SUN3: variants seen among roughly 807,000 people sequenced by gnomAD.
SUN3 encodes Sad1 and UNC84 domain containing 3.
A neutral mutation model predicts 48.2 loss-of-function variants in SUN3; 36 were observed. The ratio of observed to expected loss-of-function variants is 0.75; its 90% CI spans 0.57 to 0.99. The LOEUF (loss-of-function observed/expected upper bound fraction) is 0.99, where lower values mean the gene tolerates loss of function less well. Ranked by LOEUF, SUN3 falls within the 50% of genes least tolerant of loss-of-function variation. SUN3 has a pLI of 0.00. For synonymous variants in SUN3, 148 were observed against 147.9 expected (o/e 1.00, Z 0.00); for missense variants, 419 against 433.1 (o/e 0.97, Z 0.29).
chr7:48,012,331 A>T (rs1030919266), intron 3 of SUN3, among the ~76,000 whole-genome samples: 3 of 152,062 alleles, frequency 2.0e-5, no homozygotes, highest in Non-Finnish European at 4.4e-5. Flanking sequence ...GGCGTCAGGT[A>T]GAGGCTGGCA....
chr7:48,006,249 G>C (rs887266188), intron 5 of SUN3, among the ~76,000 whole-genome samples, 196 bp from the exon 6 acceptor site: 7 of 152,146 alleles, frequency 4.6e-5, no homozygotes, highest in Admixed American at 3.9e-4. Context: ...TCATTTTCAG[G>C]AATACGGTGT....
chr7:48,001,477 C>A (rs182046542), intron 6 of SUN3, among the ~76,000 whole-genome samples: 63 of 150,926 alleles, frequency 4.2e-4, no homozygotes, highest in African/African-American at 1.4e-3. Flanking sequence ...TTTCTTTATC[C>A]AGTCTATCAT....
chr7:48,021,989 T>G (rs1173720776), intron 2 of SUN3, among the ~76,000 whole-genome samples: 1 of 152,168 alleles, frequency 6.6e-6, no homozygotes, highest in African/African-American at 2.4e-5. Flanking sequence ...TGCAGCATTG[T>G]TCACAATAGC....
chr7:47,989,516 A>C (rs1308532869), intron 8 of SUN3, among the ~76,000 whole-genome samples: 1 of 152,236 alleles, frequency 6.6e-6, no homozygotes, highest in African/African-American at 2.4e-5. Context: ...TATTTTGTGA[A>C]TCTGAAGTTT....
rs1297137451 is a variant in SUN3 at position 48,009,032 on chromosome 7, C to CAA, written c.329+2_329+3insTT. 6.2e-7 allele frequency: 1 copy of CAA among 1,611,284 alleles called. No individual in the cohort carries two copies. The highest frequency in any genetic ancestry group is 8.5e-7 in the Non-Finnish European group (1 of 1,178,978). The stretch of plus-strand genomic sequence containing the variant: ...GAGGCATATAGCAAAAGATCGCACT[C>CAA]ACTTTAAAAGTTCCAGTTGCTCTTT... On this transcript the variant is annotated splice_region_variant and intron_variant, in intron 4 of 9. Coordinates refer to ENST00000297325, the MANE Select transcript of SUN3 (RefSeq NM_001030019.2).
the SUN3 span, among the ~76,000 whole-genome samples, chr7:48,034,807 C>G: frequency 6.6e-6 from 1 of 152,034 alleles, no homozygotes; most frequent in Non-Finnish European, 1.5e-5. Context: ...GTTTGGAGTT[C>G]TAAACGCGAT....
chr7:48,023,353 T>C (rs1790052582), intron 2 of SUN3, among the ~76,000 whole-genome samples: 1 of 151,984 alleles, frequency 6.6e-6, no homozygotes, highest in African/African-American at 2.4e-5. Flanking sequence ...TGGTATAAAT[T>C]TAAACTATAT....
At chr7:48,001,191 T>A (rs7791823) in intron 6 of SUN3, among the ~76,000 whole-genome samples, 66,839 of 151,910 alleles carry the variant, frequency 0.44, 15,029 homozygotes, top group Middle Eastern at 0.55. Context: ...ACCCAGGTGT[T>A]AAGCCTAGTA....
chr7:48,024,229 A>G (rs1790075245), intron 2 of SUN3, among the ~76,000 whole-genome samples: 1 of 152,204 alleles, frequency 6.6e-6, no homozygotes. Context: ...AGAATGAAAG[A>G]CAACCTAGAA....
intron 1 of SUN3, 114 bp from the exon 2 acceptor site, chr7:48,026,052 A>G (rs1790125572): frequency 1.4e-6 from 1 of 694,572 alleles, no homozygotes; most frequent in East Asian, 2.8e-5. Context: ...TTCTTGCTTA[A>G]TCTAGGTTGA....
Position 47,996,165 on chromosome 7 carries a change from T to C in SUN3, c.578-19A>G, listed in dbSNP as rs763010375. Reference sequence around the variant, plus strand: ...GAGGCTCCTAAAATTATAAAGTAAGTTGTAAAATAAAGAAACAACATACAC... The same window carrying C: ...GAGGCTCCTAAAATTATAAAGTAAGCTGTAAAATAAAGAAACAACATACAC... On this transcript the variant is annotated intron_variant, in intron 6 of 9. Transcript: ENST00000297325. 1 of 1,374,054 alleles carries C rather than the reference T, an allele frequency of 7.3e-7. No homozygotes were observed. Among genetic ancestry groups the C allele is most frequent in the African/African-American group, 1.5e-5 (1 of 67,636 alleles). The allele number at this position is 1,374,054 out of a possible 1,614,324, so 85.1% of individuals were successfully genotyped here.
chr7:48,007,300 A>G lies in SUN3; in HGVS notation c.357T>C (p.Asn119=). Residue 119 remains asparagine (N), a synonymous_variant, in exon 5 of 10, where the codon AAT becomes AAC. Coordinates refer to ENST00000297325, the MANE Select transcript of SUN3 (RefSeq NM_001030019.2). ...LKKESQNLEN[N]FRQILFLIEQ... Reference sequence around the variant, plus strand: ...CGATCAAAAATAGAATTTGACGAAAATTGTTTTCCAGATTCTGGCTTTCCT... The same window carrying G: ...CGATCAAAAATAGAATTTGACGAAAGTTGTTTTCCAGATTCTGGCTTTCCT... The G allele has an allele frequency of 1.2e-6, 2 of 1,614,020 alleles. No individual in the cohort carries two copies. The highest frequency in any genetic ancestry group is 1.7e-6 in the Non-Finnish European group (2 of 1,179,946).
chr7:47,999,661 C>T (rs1185195480), intron 6 of SUN3, among the ~76,000 whole-genome samples: 2 of 152,232 alleles, frequency 1.3e-5, no homozygotes, highest in South Asian at 2.1e-4. Context: ...CCTCAGCCTC[C>T]TGAGTAGCAG....
chr7:48,001,523 T>A (rs997739599), intron 6 of SUN3, among the ~76,000 whole-genome samples: 7 of 91,444 alleles, frequency 7.7e-5, no homozygotes, highest in African/African-American at 1.1e-4. Flanking sequence ...GTCTTTTCTG[T>A]TTTTTTTGTT....
the SUN3 span, chr7:48,035,515 T>C: frequency 4.3e-6 from 3 of 697,214 alleles, no homozygotes; most frequent in South Asian, 3.0e-5. The surrounding 1 kb of genome is among the most constrained non-coding windows in gnomAD (Gnocchi z 4.0). Context: ...GACGCCGATG[T>C]TGTGGTTCCG....
At chr7:47,989,068 G>C (rs893048375) in intron 8 of SUN3, 188 bp from the exon 9 acceptor site, 1 of 414,810 alleles carries the variant, frequency 2.4e-6, no homozygotes, top group African/African-American at 2.0e-5. Context: ...GCTGATCACG[G>C]GACTGACTAA....
At chr7:47,990,577 C>T (rs1158381755) in intron 8 of SUN3, among the ~76,000 whole-genome samples, 1 of 152,098 alleles carries the variant, frequency 6.6e-6, no homozygotes, top group Non-Finnish European at 1.5e-5. Context: ...TTTCTTTTCT[C>T]AAGTCTCTCG....
At chr7:48,029,615 C>T (rs1276496362), upstream of SUN3, among the ~76,000 whole-genome samples, 1 of 152,098 alleles carries the variant, frequency 6.6e-6, no homozygotes, top group Non-Finnish European at 1.5e-5. Context: ...ATTCATTTAC[C>T]CATCCTTCTG....
At chr7:48,005,871 T>A in intron 6 of SUN3, 98 bp downstream of exon 6, 1 of 574,200 alleles carries the variant, frequency 1.7e-6, no homozygotes, top group Non-Finnish European at 2.9e-6. Flanking sequence ...AGTTACCAGA[T>A]AAATATGTTT....
Sources: gnomAD v4.1 joint callset for allele counts (sites outside exome capture counted in the v4.1 genomes callset) on GRCh38, gnomAD v4.1.1 for gene constraint, Gnocchi (gnomAD v3.1) non-coding constraint, MANE v1.5 for transcripts, NCBI Gene and HGNC (gene_info 2026-07-23, HGNC 2026-07-21) for gene names.